KCND3: variants seen among roughly 807,000 people sequenced by gnomAD.
KCND3 encodes the protein potassium voltage-gated channel subfamily D member 3.
A neutral mutation model predicts 51.1 loss-of-function variants in KCND3; 9 were observed. The ratio of observed to expected loss-of-function variants is 0.18; its 90% CI spans 0.11 to 0.31. The LOEUF (loss-of-function observed/expected upper bound fraction) is 0.31, where lower values mean the gene tolerates loss of function less well. Ranked by LOEUF, KCND3 falls within the 10% of genes least tolerant of loss-of-function variation. The pLI is 1.00. For missense variants in KCND3, 526 were observed against 903.8 expected (o/e 0.58, Z 5.36); for synonymous variants, 349 against 368.0 (o/e 0.95, Z 0.59).
intron 2 of KCND3, among the ~76,000 whole-genome samples, chr1:111,930,424 G>C (rs1439720110): frequency 6.6e-6 from 1 of 152,242 alleles, no homozygotes; most frequent in Non-Finnish European, 1.5e-5. Flanking sequence ...GGTTCTCTCT[G>C]CAGGAAGGCA....
At chr1:111,788,720 G>A (rs1014168693) in intron 2 of KCND3, among the ~76,000 whole-genome samples, 1 of 152,156 alleles carries the variant, frequency 6.6e-6, no homozygotes, top group Non-Finnish European at 1.5e-5. Flanking sequence ...CCAGGGAAGT[G>A]GTTGAGAACA....
chr1:111,922,715 T>C (rs1671528920), intron 2 of KCND3, among the ~76,000 whole-genome samples: 1 of 152,218 alleles, frequency 6.6e-6, no homozygotes, highest in Non-Finnish European at 1.5e-5. Context: ...CTAGATCCAC[T>C]TTGGCTATGC....
At chr1:111,799,494 T>C (rs1348630312) in intron 2 of KCND3, among the ~76,000 whole-genome samples, 1 of 152,242 alleles carries the variant, frequency 6.6e-6, no homozygotes, top group Non-Finnish European at 1.5e-5. Context: ...GTTATTCTTA[T>C]TGGGCATCTT....
At chr1:111,928,026 C>A (rs1473717330) in intron 2 of KCND3, among the ~76,000 whole-genome samples, 1 of 152,234 alleles carries the variant, frequency 6.6e-6, no homozygotes, top group Admixed American at 6.5e-5. Context: ...CAGGCCCCTG[C>A]CACTCTCCAT....
At chr1:111,843,210 T>C (rs980131012) in intron 2 of KCND3, among the ~76,000 whole-genome samples, 2 of 152,154 alleles carry the variant, frequency 1.3e-5, no homozygotes, top group Admixed American at 1.3e-4. Flanking sequence ...GGGGTTTCCA[T>C]AGCAAGGCTC....
At chr1:111,976,907 T>C (rs980223857) in intron 2 of KCND3, among the ~76,000 whole-genome samples, 1 of 152,246 alleles carries the variant, frequency 6.6e-6, no homozygotes, top group Non-Finnish European at 1.5e-5. Flanking sequence ...GCTGCCATGC[T>C]GCCTGGAGTG....
At chr1:111,939,690 G>A (rs1444333456) in intron 2 of KCND3, among the ~76,000 whole-genome samples, 1 of 152,196 alleles carries the variant, frequency 6.6e-6, no homozygotes, top group East Asian at 1.9e-4. Flanking sequence ...AAACATACGT[G>A]TGCATGTGTT....
At chr1:111,943,600 A>G (rs1270596826) in intron 2 of KCND3, among the ~76,000 whole-genome samples, 1 of 152,214 alleles carries the variant, frequency 6.6e-6, no homozygotes, top group South Asian at 2.1e-4. Context: ...TTCTCCTAGA[A>G]GAAGGGTTCT....
intron 2 of KCND3, among the ~76,000 whole-genome samples, chr1:111,931,229 T>G (rs1571865659): frequency 6.6e-6 from 1 of 151,208 alleles, no homozygotes; most frequent in Non-Finnish European, 1.5e-5. Context: ...GGGAAAGAGG[T>G]GAGAAGGAAG....
At chr1:111,860,112 A>C (rs10494140) in intron 2 of KCND3, among the ~76,000 whole-genome samples, 37,224 of 152,204 alleles carry the variant, frequency 0.24, 4,971 homozygotes, top group Non-Finnish European at 0.32. Flanking sequence ...ACTACCAACA[A>C]TAGTTACGGC....
chr1:111,920,970 G>T (rs1321501753), intron 2 of KCND3, among the ~76,000 whole-genome samples: 3 of 152,174 alleles, frequency 2.0e-5, no homozygotes, highest in Non-Finnish European at 4.4e-5. Flanking sequence ...GTGTATGGTT[G>T]TGTGCAATGT....
intron 2 of KCND3, among the ~76,000 whole-genome samples, chr1:111,823,216 G>A (rs143654754): frequency 1.8e-4 from 28 of 152,342 alleles, no homozygotes; most frequent in African/African-American, 6.5e-4. Flanking sequence ...TCCACAAATC[G>A]TGAGGTTCTT....
At chr1:111,973,806 G>T (rs1330630601) in intron 2 of KCND3, among the ~76,000 whole-genome samples, 1 of 152,148 alleles carries the variant, frequency 6.6e-6, no homozygotes, top group Non-Finnish European at 1.5e-5. Flanking sequence ...AATTCAAGCT[G>T]TTCTGCCACT....
In KCND3 at chr1:111,840,246, T is replaced by C. The variant is rs374643145; in HGVS notation, c.1107-53140A>G. 9.0e-4 allele frequency among the ~76,000 whole-genome samples: 137 copies of C among 152,230 alleles called. 1 individual carries two copies. The East Asian group carries it at 0.014, about 16-fold the overall frequency. ...GCATTGGAAATTCGGTTCCAACATA[T>C]GAACTTTTTGGGGACACAACACTGG... On this transcript the variant is annotated intron_variant, in intron 2 of 7. Coordinates refer to ENST00000302127, the MANE Select transcript of KCND3 (RefSeq NM_001378969.1).
chr1:111,857,161 A>G (rs1668113250), intron 2 of KCND3, among the ~76,000 whole-genome samples: 1 of 152,224 alleles, frequency 6.6e-6, no homozygotes, highest in Non-Finnish European at 1.5e-5. Flanking sequence ...CAGTTTACAA[A>G]GCACTTTTCA....
rs1261919575 is a variant in KCND3, at chr1:111,773,195, T to A, written c.*2882A>T. On this transcript the variant is annotated 3_prime_UTR_variant, in exon 8 of 8. Transcript: ENST00000302127. The stretch of plus-strand genomic sequence containing the variant: ...GAAGTGGAAGGAACACAAAACATTC[T>A]GTTGATTAGGACCAATAAAAAAACA... 6.6e-6 allele frequency: 1 copy of A among 152,168 alleles called. No individual in the cohort carries two copies. Among genetic ancestry groups the A allele is most frequent in the Non-Finnish European group, 1.5e-5 (1 of 68,030 alleles). The allele number at this position is 152,168 out of a possible 1,614,324, so 9.4% of individuals were successfully genotyped here. A position where few individuals can be genotyped will look rare whatever the true frequency, so the allele number is the denominator to read the frequency against.
intron 2 of KCND3, among the ~76,000 whole-genome samples, chr1:111,954,143 T>C (rs1021623096): frequency 6.6e-6 from 1 of 152,146 alleles, no homozygotes; most frequent in African/African-American, 2.4e-5. Context: ...TCTAGTAACT[T>C]CTCCTTCCCC....
At chr1:111,862,452 C>A (rs1668376478) in intron 2 of KCND3, among the ~76,000 whole-genome samples, 1 of 152,246 alleles carries the variant, frequency 6.6e-6, no homozygotes, top group African/African-American at 2.4e-5. Flanking sequence ...AAACTGTAAA[C>A]TATGCAATGG....
chr1:111,895,412 A>C (rs1020613065), intron 2 of KCND3, among the ~76,000 whole-genome samples: 1 of 151,744 alleles, frequency 6.6e-6, no homozygotes, highest in Admixed American at 6.5e-5. Context: ...AAGGGGTAAT[A>C]AAAATTAAAT....
Sources: allele counts gnomAD v4.1 joint callset (sites outside exome capture counted in the v4.1 genomes callset), GRCh38; gene constraint gnomAD v4.1.1; transcripts MANE v1.5; gene names NCBI Gene and HGNC (gene_info 2026-07-23, HGNC 2026-07-21).